NSD2: variants seen among roughly 807,000 people sequenced by gnomAD.
The protein encoded by NSD2 is nuclear receptor binding SET domain protein 2.
NSD2 carries 12 observed loss-of-function variants against 139.0 expected under a neutral mutation model. The ratio of observed to expected loss-of-function variants is 0.09; its 90% CI spans 0.06 to 0.14. NSD2 has a LOEUF of 0.14. Among genes scored for constraint, NSD2 ranks in the 10% least tolerant of loss-of-function variants. The pLI is 1.00. For missense variants in NSD2, 1,155 were observed against 1,745.0 expected (o/e 0.66, Z 6.02); for synonymous variants, 669 against 648.7 (o/e 1.03, Z -0.48).
chr4:1,973,047 T>A lies in NSD2; in HGVS notation c.3373-1816T>A, dbSNP rs1726663870. On this transcript the variant is annotated intron_variant, in intron 18 of 21. Transcript: ENST00000508803. The surrounding 1 kb of genome is among the most constrained non-coding windows in gnomAD (Gnocchi z 5.5). ...TTTTGTATTTTTATTAGAGACAGTT[T>A]CACCATGTTGGCCAGGCTGGTTTCG... is the stretch of plus-strand genomic sequence containing the variant. Among the ~76,000 whole-genome samples the A allele has an allele frequency of 1.3e-5, 2 of 152,162 alleles. No individual in the cohort carries two copies. The highest frequency in any genetic ancestry group is 4.1e-4 in the South Asian group (2 of 4,822).
rs1279237999 is a variant in NSD2, at chr4:1,977,000, AG to A, written c.3826+323del. Among the ~76,000 whole-genome samples the A allele has an allele frequency of 6.6e-6, 1 of 152,232 alleles. No homozygotes were observed. The highest frequency in any genetic ancestry group is 1.5e-5 in the Non-Finnish European group (1 of 68,020). ...TGTGGGGGCGGGGCGGCCAGGAAGGAGGCGACGCTGGGAACTAAAGCCCCTC... is the reference window on the plus strand; with the variant it reads ...TGTGGGGGCGGGGCGGCCAGGAAGGAGCGACGCTGGGAACTAAAGCCCCTC... On this transcript the variant is annotated intron_variant, in intron 21 of 21. Coordinates refer to ENST00000508803, the MANE Select transcript of NSD2 (RefSeq NM_001042424.3). The surrounding 1 kb of genome is among the most constrained non-coding windows in gnomAD (Gnocchi z 5.3).
intron 1 of NSD2, among the ~76,000 whole-genome samples, chr4:1,878,618 T>C (rs1407731923): frequency 2.0e-5 from 3 of 152,096 alleles, no homozygotes. Context: ...ATTCAGTGAC[T>C]ATTTGAATAC....
In NSD2 at chr4:1,942,986, C is replaced by T; in HGVS notation, c.1881+3208C>T. The T allele has an allele frequency of 9.5e-7, 1 of 1,051,270 alleles. No homozygotes were observed. The highest frequency in any genetic ancestry group is 1.7e-5 in the African/African-American group (1 of 60,318). The allele number at this position is 1,051,270 out of a possible 1,614,324, so 65.1% of individuals were successfully genotyped here. On this transcript the variant is annotated intron_variant, in intron 9 of 21. Coordinates refer to ENST00000508803, the MANE Select transcript of NSD2 (RefSeq NM_001042424.3). The surrounding 1 kb of genome is among the most constrained non-coding windows in gnomAD (Gnocchi z 4.0). ...TACAGTAAATTTTTAGAAAAAAATA[C>T]CATTTACAGTATTATTGTGAACCAT...
intron 1 of NSD2, among the ~76,000 whole-genome samples, chr4:1,890,888 C>T (rs1056792947): frequency 3.9e-5 from 6 of 152,040 alleles, no homozygotes; most frequent in African/African-American, 2.4e-5. Flanking sequence ...TAAGCCACCA[C>T]GCCCGGCCTT....
chr4:1,931,228 G>A (rs1442839748), intron 6 of NSD2, among the ~76,000 whole-genome samples: 1 of 152,172 alleles, frequency 6.6e-6, no homozygotes, highest in Non-Finnish European at 1.5e-5. Context: ...CCTTACAGGG[G>A]TCCGGAGTGT....
chr4:1,968,787 A>G (rs191633167), intron 18 of NSD2, among the ~76,000 whole-genome samples: 1 of 152,230 alleles, frequency 6.6e-6, no homozygotes, highest in East Asian at 1.9e-4. Context: ...TGGAGGAGAC[A>G]CAGGAGACAG....
At chr4:1,975,049 C>A in intron 19 of NSD2, 45 bp downstream of exon 19, 1 of 1,612,352 alleles carries the variant, frequency 6.2e-7, no homozygotes, top group Non-Finnish European at 8.5e-7. Flanking sequence ...GCTATGGGGG[C>A]AGAGTGGCCA....
In NSD2 at chr4:1,951,101, G is replaced by C. The variant is rs375620630; in HGVS notation, c.1911G>C (p.Ser637=). The C allele has an allele frequency of 2.5e-6, 4 of 1,614,006 alleles. No homozygotes were observed. The East Asian group carries it at 6.7e-5, about 27-fold the overall frequency. ...CGGACAGCCCGGGAGACGAGCCCTC[G>C]GAGTCCCCATACGAAAGTGCAGACG... ...EVSDSPGDEP[S]ESPYESADET... The change falls in exon 10 of 22, where the codon TCG becomes TCC. Residue 637 remains serine, a synonymous_variant. Coordinates refer to ENST00000508803, the MANE Select transcript of NSD2 (RefSeq NM_001042424.3).
chr4:1,917,063 T>G (rs1478265604), intron 4 of NSD2, 26 bp downstream of exon 4: 2 of 1,540,938 alleles, frequency 1.3e-6, no homozygotes, highest in Middle Eastern at 3.5e-4. Context: ...TCAGTCTACT[T>G]TTAGACCAGA....
rs1577505265 is a variant in NSD2, at chr4:1,942,977, A to G, written c.1881+3199A>G. The stretch of plus-strand genomic sequence containing the variant: ...GACACTAGATACAGTAAATTTTTAG[A>G]AAAAAATACCATTTACAGTATTATT... On this transcript the variant is annotated intron_variant, in intron 9 of 21. Transcript: ENST00000508803. The surrounding 1 kb of genome is among the most constrained non-coding windows in gnomAD (Gnocchi z 4.0). 1.9e-6 allele frequency: 2 copies of G among 1,051,518 alleles called. No homozygotes were observed. Among genetic ancestry groups the G allele is most frequent in the Non-Finnish European group, 2.3e-6 (2 of 870,650 alleles). 65.1% of individuals were successfully genotyped at this position (1,051,518 alleles called of 1,614,324 possible).
At chr4:1,933,559 T>C (rs1721939307) in intron 6 of NSD2, among the ~76,000 whole-genome samples, 1 of 151,874 alleles carries the variant, frequency 6.6e-6, no homozygotes, top group Admixed American at 6.6e-5. Context: ...CCAGCTAATT[T>C]TTTTTTTTGT....
intron 7 of NSD2, among the ~76,000 whole-genome samples, chr4:1,938,187 G>A (rs1393393291): frequency 3.3e-5 from 5 of 152,174 alleles, no homozygotes; most frequent in African/African-American, 1.2e-4. Flanking sequence ...TGACAGATGC[G>A]AGAGCGGGAG....
At chr4:1,888,341 A>C (rs1715271042) in intron 1 of NSD2, among the ~76,000 whole-genome samples, 1 of 130,228 alleles carries the variant, frequency 7.7e-6, no homozygotes. Flanking sequence ...TGAACCTGGG[A>C]GGCAGAGGTT....
At chr4:1,968,461 T>A (rs1726106739) in intron 18 of NSD2, among the ~76,000 whole-genome samples, 1 of 152,182 alleles carries the variant, frequency 6.6e-6, no homozygotes, top group Admixed American at 6.5e-5. Context: ...CCTTAGACTT[T>A]GTTAAAGTAT....
At chr4:1,882,852 CTG>C (rs1252041933) in intron 1 of NSD2, among the ~76,000 whole-genome samples, 4 of 152,268 alleles carry the variant, frequency 2.6e-5, no homozygotes, top group Non-Finnish European at 5.9e-5. Context: ...ATCATGAACT[CTG>C]GAGTGGGGCC....
chr4:1,874,428 C>T (rs1440933492), intron 1 of NSD2, among the ~76,000 whole-genome samples: 3 of 152,184 alleles, frequency 2.0e-5, no homozygotes, highest in African/African-American at 7.2e-5. Context: ...GTTGGGTTAA[C>T]TCTTAGAGGT....
rs1725022050 is a variant in NSD2, at chr4:1,958,192, C to A, written c.2985+156C>A. On this transcript the variant is annotated intron_variant, in intron 16 of 21. Coordinates refer to ENST00000508803, the MANE Select transcript of NSD2 (RefSeq NM_001042424.3). The surrounding 1 kb of genome is among the most constrained non-coding windows in gnomAD (Gnocchi z 4.6). The stretch of plus-strand genomic sequence containing the variant: ...GGATGGCCACACAAGAGACCATGAG[C>A]AAATGGCATGGGGGGATCTGCATGG... 6.6e-6 allele frequency among the ~76,000 whole-genome samples: 1 copy of A among 152,180 alleles called. No individual in the cohort carries two copies. Among genetic ancestry groups the A allele is most frequent in the African/African-American group, 2.4e-5 (1 of 41,444 alleles).
At chr4:1,880,380 A>G (rs1714612624) in intron 1 of NSD2, among the ~76,000 whole-genome samples, 3 of 152,186 alleles carry the variant, frequency 2.0e-5, no homozygotes. Context: ...GAAAACTAAC[A>G]TACAGCAGTC....
intron 15 of NSD2, among the ~76,000 whole-genome samples, chr4:1,957,359 C>T (rs1407671178): frequency 6.7e-6 from 1 of 150,216 alleles, no homozygotes; most frequent in Admixed American, 6.6e-5. Flanking sequence ...TCTCGGCTCA[C>T]TGCAACCTCC....
Sources: allele counts gnomAD v4.1 joint callset (sites outside exome capture counted in the v4.1 genomes callset), GRCh38; gene constraint gnomAD v4.1.1; non-coding constraint Gnocchi (gnomAD v3.1); transcripts MANE v1.5; gene names NCBI Gene and HGNC (gene_info 2026-07-23, HGNC 2026-07-21).